Variants in DNAH10 observed in about 807,000 individuals in gnomAD.
DNAH10 encodes the protein axonemal beta dynein heavy chain 10.
In DNAH10, 348 loss-of-function variants were observed where a neutral mutation model predicts 506.6. The observed-to-expected ratio is 0.69, with a 90% confidence interval of 0.63 to 0.75. DNAH10 has a LOEUF of 0.75. Ranked by LOEUF, DNAH10 falls within the 30% of genes least tolerant of loss-of-function variation. The pLI is 0.00. For synonymous variants in DNAH10, 2,059 were observed against 2,198.6 expected, an observed-to-expected ratio of 0.94 and a Z score of 1.78; for missense variants, 5,179 against 5,787.1, an observed-to-expected ratio of 0.89 and a Z score of 3.41.
rs1348608719 is a variant in DNAH10 at position 123,873,541 on chromosome 12, A to G, written c.7786-17A>G. 1.9e-6 allele frequency: 3 copies of G among 1,591,678 alleles called. No individual in the cohort carries two copies. The highest frequency in any genetic ancestry group is 2.3e-5 in the South Asian group (2 of 86,896). Reference sequence around the variant, plus strand: ...GGGGAAAAAGCTGGCTTTTCACATCATCTCTTTCTGCTTCAGATTGTGTTA... The same window carrying G: ...GGGGAAAAAGCTGGCTTTTCACATCGTCTCTTTCTGCTTCAGATTGTGTTA... On this transcript the variant is annotated splice_polypyrimidine_tract_variant and intron_variant, in intron 45 of 78. Transcript: ENST00000673944.
At chr12:123,844,447 T>G (rs1950878371) in intron 30 of DNAH10, among the ~76,000 whole-genome samples, 1 of 152,156 alleles carries the variant, frequency 6.6e-6, no homozygotes, top group Non-Finnish European at 1.5e-5. Flanking sequence ...AGTTAGTGCC[T>G]CTGGAGAGGA....
At chr12:123,862,090 G>A (rs546353204) in intron 39 of DNAH10, among the ~76,000 whole-genome samples, 1 of 152,308 alleles carries the variant, frequency 6.6e-6, no homozygotes, top group African/African-American at 2.4e-5. Flanking sequence ...GAAGGCTGCA[G>A]GAGTGATGCT....
intron 36 of DNAH10, among the ~76,000 whole-genome samples, chr12:123,856,534 A>G (rs1461874114): frequency 6.6e-6 from 1 of 150,428 alleles, no homozygotes; most frequent in Non-Finnish European, 1.5e-5. Flanking sequence ...ATGTGATTTC[A>G]CCATGTCGGC....
intron 2 of DNAH10, among the ~76,000 whole-genome samples, chr12:123,768,038 G>A (rs1957113019): frequency 6.6e-6 from 1 of 152,098 alleles, no homozygotes; most frequent in African/African-American, 2.4e-5. Flanking sequence ...TCCTTGGCCT[G>A]CAGCATCATC....
chr12:123,930,500 GC>G lies in DNAH10; in HGVS notation c.12713del (p.Pro4238HisfsTer88), dbSNP rs753882332. 1 of 1,610,704 alleles carries G rather than the reference GC, an allele frequency of 6.2e-7. No homozygotes were observed. The highest frequency in any genetic ancestry group is 2.2e-5 in the East Asian group (1 of 44,758). On this transcript the variant is annotated frameshift_variant, in exon 73 of 79. Transcript: ENST00000673944. LOFTEE classifies it high-confidence loss of function. The part of the protein sequence containing the change: ...LGDFIFDTFQ[P>X]FHFFRNKEVD... ...GGGACTTCATTTTTGATACTTTCCAGCCATTCCACTTCTTCCGGAACAAGGA... is the reference window on the plus strand; with the variant it reads ...GGGACTTCATTTTTGATACTTTCCAGCATTCCACTTCTTCCGGAACAAGGA...
In DNAH10 at chr12:123,909,496, A is replaced by C; in HGVS notation, c.9997+54A>C. The C allele has an allele frequency of 1.1e-5, 16 of 1,486,368 alleles. No homozygotes were observed. Among genetic ancestry groups the C allele is most frequent in the African/African-American group, 1.4e-5 (1 of 69,936 alleles). 92.1% of individuals were successfully genotyped at this position (1,486,368 alleles called of 1,614,324 possible). On this transcript the variant is annotated intron_variant, in intron 58 of 78. Coordinates refer to ENST00000673944, the MANE Select transcript of DNAH10 (RefSeq NM_001372106.1). The surrounding 1 kb of genome is among the most constrained non-coding windows in gnomAD (Gnocchi z 5.4). ...AGGGTGGATCTCGGTCTGGCATCTC[A>C]GGCTCTGGGACAGGGATGGAGGGCA...
At position 123,912,998 on chromosome 12, in the gene DNAH10, C is replaced by T; in HGVS notation, c.10135-100C>T. ...ATAGAGGCTCTGAAAAGCACAGACA[C>T]CATTAGAGCAGTTTAGACATGTGGC... On this transcript the variant is annotated intron_variant, in intron 59 of 78. Transcript: ENST00000673944. 19 of 1,130,806 alleles carry T rather than the reference C, an allele frequency of 1.7e-5. 1 individual carries two copies. The South Asian group carries it at 2.6e-4, about 16-fold the overall frequency. The allele number at this position is 1,130,806 out of a possible 1,614,324, so 70.0% of individuals were successfully genotyped here.
chr12:123,819,135 T>A lies in DNAH10; in HGVS notation c.3898-13T>A. On this transcript the variant is annotated splice_polypyrimidine_tract_variant and intron_variant, in intron 22 of 78. Transcript: ENST00000673944. The stretch of plus-strand genomic sequence containing the variant: ...GTATTTGGGCTAAATTAATGTAACC[T>A]CGTTTTTCTCAGCTTACTCGAGGCG... 1.2e-6 allele frequency: 2 copies of A among 1,611,294 alleles called. No individual in the cohort carries two copies. Among genetic ancestry groups the A allele is most frequent in the Non-Finnish European group, 1.7e-6 (2 of 1,178,558 alleles).
chr12:123,835,222 A>G (rs1286528195), intron 27 of DNAH10, among the ~76,000 whole-genome samples, 184 bp from the exon 28 acceptor site: 1 of 152,152 alleles, frequency 6.6e-6, no homozygotes, highest in Non-Finnish European at 1.5e-5. Flanking sequence ...TGCTTTCCCC[A>G]GCATTCCCAT....
At chr12:123,895,944 A>G (rs1182505050) in intron 54 of DNAH10, among the ~76,000 whole-genome samples, 1 of 151,744 alleles carries the variant, frequency 6.6e-6, no homozygotes, top group Non-Finnish European at 1.5e-5. Context: ...GAAACCCTGT[A>G]TTTACTAAAA....
rs1953379208 is a variant in DNAH10, at chr12:123,898,800, TCAACACCG to T, written c.9628_9635del (p.Asn3210CysfsTer58). 2 of 1,609,874 alleles carry T rather than the reference TCAACACCG, an allele frequency of 1.2e-6. No homozygotes were observed. ...GAGGCCTTGCTGGAGGAGATCGCCG[TCAACACCG>T]CTGTAGGTGAGTGAGGGCGGGGCCA... On this transcript the variant is annotated frameshift_variant, in exon 56 of 79. Coordinates refer to ENST00000673944, the MANE Select transcript of DNAH10 (RefSeq NM_001372106.1). LOFTEE classifies it high-confidence loss of function.
At chr12:123,880,558 TG>T (rs1952459947) in intron 50 of DNAH10, among the ~76,000 whole-genome samples, 1 of 151,846 alleles carries the variant, frequency 6.6e-6, no homozygotes, top group South Asian at 2.1e-4. Context: ...TGGCCCAGGT[TG>T]GTCTCGAACT....
intron 23 of DNAH10, 102 bp from the exon 24 acceptor site, chr12:123,820,478 G>A (rs1959273825): frequency 8.2e-7 from 1 of 1,225,456 alleles, no homozygotes; most frequent in Non-Finnish European, 1.1e-6. Flanking sequence ...TGTGGTTTAT[G>A]AGGATGAAAT....
At position 123,762,664 on chromosome 12, in the gene DNAH10, G is replaced by A; in HGVS notation, c.214+114G>A. 1 of 1,162,808 alleles carries A rather than the reference G, an allele frequency of 8.6e-7. No individual in the cohort carries two copies. The highest frequency in any genetic ancestry group is 1.2e-6 in the Non-Finnish European group (1 of 858,156). 72.0% of individuals were successfully genotyped at this position (1,162,808 alleles called of 1,614,324 possible). On this transcript the variant is annotated intron_variant, in intron 1 of 78. Coordinates refer to ENST00000673944, the MANE Select transcript of DNAH10 (RefSeq NM_001372106.1). This position sits in a 1 kb window ranked among gnomAD's most constrained non-coding sequence, Gnocchi z 5.0. ...CCATCGTCCGGCCCCGGCCTCAGGT[G>A]CTGTCCACAAACGCTGCCGCCCGCC...
intron 1 of DNAH10, among the ~76,000 whole-genome samples, chr12:123,765,271 G>A (rs7976110): frequency 0.39 from 58,684 of 151,808 alleles, 13,922 homozygotes; most frequent in African/African-American, 0.67. Context: ...AAACGGAATC[G>A]TACTGTACAT....
Position 123,933,318 on chromosome 12 carries a change from C to G in DNAH10, c.13297-13C>G. The G allele has an allele frequency of 1.3e-6, 2 of 1,517,396 alleles. No individual in the cohort carries two copies. Among genetic ancestry groups the G allele is most frequent in the African/African-American group, 1.4e-5 (1 of 71,546 alleles). The allele number at this position is 1,517,396 out of a possible 1,614,324, so 94.0% of individuals were successfully genotyped here. ...GCCCCAGGCTCCCAGCACTTGTCCTCTCTTCTCTCCAGGTGACCGAGAGCG... is the reference window on the plus strand; with the variant it reads ...GCCCCAGGCTCCCAGCACTTGTCCTGTCTTCTCTCCAGGTGACCGAGAGCG... On this transcript the variant is annotated splice_polypyrimidine_tract_variant and intron_variant, in intron 76 of 78. Coordinates refer to ENST00000673944, the MANE Select transcript of DNAH10 (RefSeq NM_001372106.1).
At position 123,801,599 on chromosome 12, in the gene DNAH10, G is replaced by A. The variant is rs752695121; in HGVS notation, c.2614+167G>A. Among the ~76,000 whole-genome samples the A allele has an allele frequency of 3.9e-5, 6 of 152,140 alleles. No homozygotes were observed. In the East Asian group the frequency reaches 5.8e-4, roughly 15 times the overall value. On this transcript the variant is annotated intron_variant, in intron 16 of 78. Coordinates refer to ENST00000673944, the MANE Select transcript of DNAH10 (RefSeq NM_001372106.1). Reference sequence around the variant, plus strand: ...ACTTAGAACTGATCTCCAGGCTGTCGTTGGGATGAAGATAAGAGGGGTGAT... The same window carrying A: ...ACTTAGAACTGATCTCCAGGCTGTCATTGGGATGAAGATAAGAGGGGTGAT...
intron 36 of DNAH10, among the ~76,000 whole-genome samples, chr12:123,856,704 G>C (rs1951405301): frequency 6.8e-6 from 1 of 147,384 alleles, no homozygotes; most frequent in Non-Finnish European, 1.5e-5. Flanking sequence ...TATATTTTAT[G>C]TTTAATCTCA....
intron 61 of DNAH10, 126 bp downstream of exon 61, chr12:123,914,676 A>G: frequency 2.9e-6 from 4 of 1,395,708 alleles, no homozygotes; most frequent in Non-Finnish European, 3.8e-6. Flanking sequence ...GCTCGACTGC[A>G]TGGAAGTGGC....
Sources: gnomAD v4.1 joint callset for allele counts (sites outside exome capture counted in the v4.1 genomes callset) on GRCh38, gnomAD v4.1.1 for gene constraint, Gnocchi (gnomAD v3.1) non-coding constraint, MANE v1.5 for transcripts, NCBI Gene and HGNC (gene_info 2026-07-23, HGNC 2026-07-21) for gene names.